The following IQSEC2 variants were observed in gnomAD, a reference collection of about 807,000 sequenced individuals.
The protein encoded by IQSEC2 is IQ motif and Sec7 domain ArfGEF 2.
A neutral mutation model predicts 74.6 loss-of-function variants in IQSEC2; 6 were observed. The ratio of observed to expected loss-of-function variants is 0.08; its 90% confidence interval spans 0.04 to 0.16. The LOEUF (loss-of-function observed/expected upper bound fraction) is 0.16, where lower values mean the gene tolerates loss of function less well. IQSEC2 is among the 10% of genes least tolerant of loss of function. The probability of loss-of-function intolerance (pLI) is 1.00; values close to 1 mark genes in which losing one functional copy is unlikely to be tolerated. For missense variants in IQSEC2, 734 were observed against 1,306.2 expected, an observed-to-expected ratio of 0.56 and a Z score of 6.75; for synonymous variants, 494 against 544.5, an observed-to-expected ratio of 0.91 and a Z score of 1.29.
rs2074372746 is a variant in IQSEC2, at chrX:53,250,692, G to T, written c.1884C>A (p.Pro628=). 8.3e-7 allele frequency: 1 copy of T among 1,211,387 alleles called. No homozygotes were observed. ...QLVYEADGCS[P]HGTLKHKGPP... ...GCCCCTTGTGCTTCAGGGTCCCATGGGGGCTGCAGCCATCAGCCTCATACA... is the reference window on the plus strand; with the variant it reads ...GCCCCTTGTGCTTCAGGGTCCCATGTGGGCTGCAGCCATCAGCCTCATACA... The change falls in exon 5 of 15, where the codon CCC becomes CCA. Residue 628 remains proline (P), a synonymous_variant. Transcript: ENST00000642864.
At chrX:53,312,713 T>C (rs782332948) in intron 1 of IQSEC2, among the ~76,000 whole-genome samples, 2 of 112,676 alleles carry the variant, frequency 1.8e-5, no homozygotes, top group South Asian at 3.7e-4. Flanking sequence ...ATATCAGATA[T>C]ACAGTTGTGA....
chrX:53,249,605 G>A (rs1302061659), intron 5 of IQSEC2, among the ~76,000 whole-genome samples: 3 of 112,383 alleles, frequency 2.7e-5, no homozygotes, highest in East Asian at 2.8e-4. Context: ...AATATAGGTG[G>A]CAGTGTTTAA....
In IQSEC2 at chrX:53,237,262, C is replaced by A. The variant is rs1051423162; in HGVS notation, c.3278-767G>T. 2.2e-4 allele frequency among the ~76,000 whole-genome samples: 24 copies of A among 111,526 alleles called. No homozygotes were observed. In the East Asian group the frequency reaches 6.5e-3, roughly 30 times the overall value. On this transcript the variant is annotated intron_variant, in intron 12 of 14. Transcript: ENST00000642864. Reference sequence around the variant, plus strand: ...GGCCTCCTACAGCCCCACCTCCCCACGGAGCTCATAGAAACACGTGTCTAC... The same window carrying A: ...GGCCTCCTACAGCCCCACCTCCCCAAGGAGCTCATAGAAACACGTGTCTAC...
chrX:53,309,328 A>G (rs923242057), intron 1 of IQSEC2, among the ~76,000 whole-genome samples: 4 of 112,016 alleles, frequency 3.6e-5, no homozygotes, highest in Non-Finnish European at 5.6e-5. Flanking sequence ...GGATAGGAAG[A>G]CGTCAGTTTT....
intron 3 of IQSEC2, 143 bp downstream of exon 3, chrX:53,255,657 G>A: frequency 4.4e-6 from 3 of 680,734 alleles, no homozygotes; most frequent in East Asian, 6.7e-5. Flanking sequence ...TCCCCAGTGG[G>A]GTGAAGGGTC....
intron 1 of IQSEC2, among the ~76,000 whole-genome samples, chrX:53,315,668 G>A (rs781922609): frequency 8.9e-6 from 1 of 112,214 alleles, no homozygotes; most frequent in Non-Finnish European, 1.9e-5. Flanking sequence ...CATGGAAAGC[G>A]CTTAGAACAA....
chrX:53,256,377 C>G (rs782415488), intron 2 of IQSEC2, among the ~76,000 whole-genome samples: 2 of 110,420 alleles, frequency 1.8e-5, no homozygotes, highest in East Asian at 5.7e-4. Context: ...CACTCTCCTC[C>G]CAGTCTTGTC....
At chrX:53,308,873 G>A (rs1319123562) in intron 1 of IQSEC2, among the ~76,000 whole-genome samples, 1 of 110,198 alleles carries the variant, frequency 9.1e-6, no homozygotes, top group African/African-American at 3.3e-5. Flanking sequence ...CGAAGGATGA[G>A]GATCACTTGA....
intron 8 of IQSEC2, among the ~76,000 whole-genome samples, chrX:53,244,004 G>A (rs782161636): frequency 5.3e-4 from 59 of 110,692 alleles, no homozygotes; most frequent in African/African-American, 1.7e-3. Context: ...TGGATCACGA[G>A]GTCAGGAGAT....
At position 53,234,642 on chromosome X, in the gene IQSEC2, T is replaced by G; in HGVS notation, c.4044A>C (p.Gly1348=). The change falls in exon 15 of 15, where the codon GGA becomes GGC. Residue 1348 remains glycine (G), a synonymous_variant. Transcript: ENST00000642864. ...RPGRAPRRGA[G]GHPQFAPHGR... is the part of the protein sequence containing the mutation. ...CATGTGGAGCAAACTGAGGGTGTCCTCCAGCCCCCCGTCTGGGTGCCCTGC... is the reference window on the plus strand; with the variant it reads ...CATGTGGAGCAAACTGAGGGTGTCCGCCAGCCCCCCGTCTGGGTGCCCTGC... The G allele has an allele frequency of 8.8e-7, 1 of 1,137,247 alleles. No homozygotes were observed. Among genetic ancestry groups the G allele is most frequent in the South Asian group, 2.1e-5 (1 of 47,024 alleles). 93.7% of individuals were successfully genotyped at this position (1,137,247 alleles called of 1,213,427 possible).
intron 1 of IQSEC2, among the ~76,000 whole-genome samples, chrX:53,306,088 C>A (rs926161528): frequency 1.8e-5 from 2 of 112,457 alleles, no homozygotes; most frequent in African/African-American, 6.5e-5. Flanking sequence ...GAGGTTCAGC[C>A]ATGATGGGAA....
intron 2 of IQSEC2, chrX:53,281,418 C>T: frequency 1.8e-6 from 1 of 554,403 alleles, no homozygotes; most frequent in Middle Eastern, 4.9e-4. Context: ...CAGGAGGCTG[C>T]TGAATCAGTA....
At position 53,320,440 on chromosome X, in the gene IQSEC2, G is replaced by A. The variant is rs781940286; in HGVS notation, c.684C>T (p.Ser228=). 7.4e-5 allele frequency: 86 copies of A among 1,164,975 alleles called. No individual in the cohort carries two copies. The Middle Eastern group carries it at 1.6e-3, about 21-fold the overall frequency. The change falls in exon 1 of 15, where the codon AGC becomes AGT. Residue 228 remains serine, a synonymous_variant. Coordinates refer to ENST00000642864, the MANE Select transcript of IQSEC2 (RefSeq NM_001111125.3). ...GGGHSTSTST[S]PATTLQRKSD... is the part of the protein sequence containing the mutation. ...ACTTTCTCTGGAGGGTCGTGGCCGGGCTGGTGCTGGTACTGGTGCTGTGGC... is the reference window on the plus strand; with the variant it reads ...ACTTTCTCTGGAGGGTCGTGGCCGGACTGGTGCTGGTACTGGTGCTGTGGC...
chrX:53,305,339 G>A (rs1225029121), intron 1 of IQSEC2, among the ~76,000 whole-genome samples: 2 of 110,541 alleles, frequency 1.8e-5, no homozygotes, highest in East Asian at 2.8e-4. Context: ...TCAGTCTCCC[G>A]AGTAGCTAAG....
At chrX:53,279,443 C>T (rs2074903212) in intron 2 of IQSEC2, 1 of 467,419 alleles carries the variant, frequency 2.1e-6, no homozygotes, top group Non-Finnish European at 3.8e-6. Flanking sequence ...TCTCCTCATA[C>T]ACTCGGACAC....
chrX:53,235,504 G>T (rs2074113043), intron 14 of IQSEC2, among the ~76,000 whole-genome samples: 1 of 111,464 alleles, frequency 9.0e-6, no homozygotes, highest in Admixed American at 9.5e-5. Context: ...GCAGGACTTG[G>T]AGGTAAGAGC....
chrX:53,281,140 C>G (rs2074954203), intron 2 of IQSEC2, among the ~76,000 whole-genome samples: 1 of 112,697 alleles, frequency 8.9e-6, no homozygotes, highest in Non-Finnish European at 1.9e-5. Flanking sequence ...GAATCTGAGA[C>G]TCAGAGACTC....
intron 8 of IQSEC2, among the ~76,000 whole-genome samples, chrX:53,246,407 G>A (rs1421736416): frequency 9.0e-6 from 1 of 111,455 alleles, no homozygotes; most frequent in Non-Finnish European, 1.9e-5. Flanking sequence ...TAGTTATCTG[G>A]GTGCTACAAG....
chrX:53,288,105 A>G (rs1395769323), intron 2 of IQSEC2, among the ~76,000 whole-genome samples: 1 of 111,387 alleles, frequency 9.0e-6, no homozygotes, highest in Non-Finnish European at 1.9e-5. Flanking sequence ...AACCGGGCTG[A>G]GCCAAATGGG....
Sources: allele counts gnomAD v4.1 joint callset (sites outside exome capture counted in the v4.1 genomes callset), GRCh38; gene constraint gnomAD v4.1.1; transcripts MANE v1.5; gene names NCBI Gene and HGNC (gene_info 2026-07-23, HGNC 2026-07-21).